SLC44A5: variants seen among roughly 807,000 people sequenced by gnomAD.
The protein encoded by SLC44A5 is solute carrier family 44 member 5.
A neutral mutation model predicts 101.8 loss-of-function variants in SLC44A5; 57 were observed. The ratio of observed to expected loss-of-function variants is 0.56; its 90% CI spans 0.45 to 0.70. The LOEUF (loss-of-function observed/expected upper bound fraction) is 0.70, where lower values mean the gene tolerates loss of function less well. Among genes scored for constraint, SLC44A5 ranks in the 30% least tolerant of loss-of-function variants. The probability of loss-of-function intolerance (pLI) is 0.00; values close to 1 mark genes in which losing one functional copy is unlikely to be tolerated. For missense variants in SLC44A5, 737 were observed against 853.1 expected, an observed-to-expected ratio of 0.86 and a Z score of 1.70; for synonymous variants, 281 against 290.9, an observed-to-expected ratio of 0.97 and a Z score of 0.35.
chr1:75,607,694 T>C (rs1405831282), intron 1 of SLC44A5, among the ~76,000 whole-genome samples: 2 of 151,938 alleles, frequency 1.3e-5, no homozygotes, highest in East Asian at 3.9e-4. Context: ...TGATAGTAAG[T>C]CTCATGAGAT....
chr1:75,313,666 G>A (rs1655475821), intron 4 of SLC44A5, among the ~76,000 whole-genome samples: 2 of 152,160 alleles, frequency 1.3e-5, no homozygotes, highest in African/African-American at 4.8e-5. Flanking sequence ...AGCAAAGACA[G>A]AGTAAAAGCA....
intron 2 of SLC44A5, among the ~76,000 whole-genome samples, chr1:75,457,161 ATTCT>A (rs1666230632): frequency 6.6e-6 from 1 of 152,190 alleles, no homozygotes; most frequent in Non-Finnish European, 1.5e-5. Flanking sequence ...CAAAATTTTA[ATTCT>A]TTCTTTCGCC....
chr1:75,619,849 ATACTT>A, the SLC44A5 span, among the ~76,000 whole-genome samples: 1 of 152,148 alleles, frequency 6.6e-6, no homozygotes, highest in Non-Finnish European at 1.5e-5. Context: ...TATTATTATT[ATACTT>A]TAAGTTCTGG....
chr1:75,203,991 T>C (rs1646706760), intron 23 of SLC44A5, among the ~76,000 whole-genome samples, 158 bp from the exon 24 acceptor site: 2 of 152,156 alleles, frequency 1.3e-5, no homozygotes, highest in African/African-American at 4.8e-5. Context: ...ATCAACATTA[T>C]TGTAAACATA....
intron 2 of SLC44A5, chr1:75,398,357 G>A: frequency 1.0e-6 from 1 of 985,072 alleles, no homozygotes; most frequent in Non-Finnish European, 1.2e-6. Context: ...AATTTCACCT[G>A]CAGACCCAGT....
intron 3 of SLC44A5, among the ~76,000 whole-genome samples, chr1:75,364,847 T>G (rs902814376): frequency 6.6e-6 from 1 of 152,178 alleles, no homozygotes; most frequent in African/African-American, 2.4e-5. Context: ...GATTCTTTAT[T>G]ATGATTTAGG....
intron 3 of SLC44A5, among the ~76,000 whole-genome samples, chr1:75,388,440 A>G (rs1340414998): frequency 6.6e-6 from 1 of 152,148 alleles, no homozygotes; most frequent in Non-Finnish European, 1.5e-5. Flanking sequence ...CAACTACACA[A>G]TTGAGACTAC....
intron 3 of SLC44A5, among the ~76,000 whole-genome samples, chr1:75,394,998 T>C (rs911847090): frequency 6.6e-6 from 1 of 152,056 alleles, no homozygotes; most frequent in African/African-American, 2.4e-5. Context: ...AGAATGGAAA[T>C]GGCATAGTAC....
At chr1:75,425,749 A>G (rs966673905) in intron 2 of SLC44A5, among the ~76,000 whole-genome samples, 3 of 152,106 alleles carry the variant, frequency 2.0e-5, no homozygotes, top group African/African-American at 7.2e-5. Context: ...ATGCCATGCT[A>G]TGGGCCCTTC....
intron 3 of SLC44A5, among the ~76,000 whole-genome samples, chr1:75,372,337 G>A (rs1317680640): frequency 6.6e-6 from 1 of 151,908 alleles, no homozygotes; most frequent in East Asian, 1.9e-4. Context: ...TTCCCCAGAT[G>A]CCTAACTCTG....
chr1:75,650,502 A>T, the SLC44A5 span, among the ~76,000 whole-genome samples: 1 of 152,228 alleles, frequency 6.6e-6, no homozygotes, highest in Non-Finnish European at 1.5e-5. Context: ...TTTAAAACAT[A>T]TTTTTGTTAG....
intron 3 of SLC44A5, among the ~76,000 whole-genome samples, chr1:75,392,708 T>C (rs541339946): frequency 3.3e-5 from 5 of 152,156 alleles, no homozygotes; most frequent in Non-Finnish European, 7.4e-5. Flanking sequence ...CACTTGTATG[T>C]TTATTGCACC....
At chr1:75,420,362 A>G (rs1216139722) in intron 2 of SLC44A5, among the ~76,000 whole-genome samples, 1 of 152,190 alleles carries the variant, frequency 6.6e-6, no homozygotes, top group Non-Finnish European at 1.5e-5. Flanking sequence ...ATAATAAAAA[A>G]TGCTCATTCA....
At chr1:75,349,452 A>C (rs1443080161) in intron 3 of SLC44A5, among the ~76,000 whole-genome samples, 2 of 152,236 alleles carry the variant, frequency 1.3e-5, no homozygotes, top group East Asian at 1.9e-4. Context: ...AGAGATATAG[A>C]GATGATGGAG....
At chr1:75,616,544 G>A in the SLC44A5 span, among the ~76,000 whole-genome samples, 2 of 152,204 alleles carry the variant, frequency 1.3e-5, no homozygotes, top group African/African-American at 4.8e-5. Context: ...CTGGCCACCT[G>A]CGGGAGGACG....
At chr1:75,212,814 T>C (rs1646884319) in intron 22 of SLC44A5, among the ~76,000 whole-genome samples, 1 of 151,992 alleles carries the variant, frequency 6.6e-6, no homozygotes, top group Non-Finnish European at 1.5e-5. Flanking sequence ...GCCAGTATTT[T>C]TGAAATGTGG....
At chr1:75,415,024 A>G (rs953995799) in intron 2 of SLC44A5, among the ~76,000 whole-genome samples, 1 of 152,232 alleles carries the variant, frequency 6.6e-6, no homozygotes, top group Admixed American at 6.5e-5. Flanking sequence ...GGATGATGCA[A>G]AGAGACCAGT....
At chr1:75,673,622 C>T in the SLC44A5 span, among the ~76,000 whole-genome samples, 4 of 152,168 alleles carry the variant, frequency 2.6e-5, no homozygotes, top group Non-Finnish European at 5.9e-5. Flanking sequence ...AGACCCAGTG[C>T]TGTGTTGGCT....
intron 9 of SLC44A5, among the ~76,000 whole-genome samples, chr1:75,239,660 T>C (rs894842839): frequency 1.3e-5 from 2 of 152,024 alleles, no homozygotes; most frequent in Admixed American, 6.6e-5. Context: ...CACAGTAGCC[T>C]TTACCAGCTG....
Sources: gnomAD v4.1 joint callset for allele counts (sites outside exome capture counted in the v4.1 genomes callset) on GRCh38, gnomAD v4.1.1 for gene constraint, MANE v1.5 for transcripts, NCBI Gene and HGNC (gene_info 2026-07-23, HGNC 2026-07-21) for gene names.